CDH16: variants seen among roughly 807,000 people sequenced by gnomAD.
CDH16 encodes the protein cadherin-16.
Under a neutral mutation model 87.6 loss-of-function variants are expected in CDH16, and 79 were observed. The observed-to-expected ratio is 0.90, with a 90% CI of 0.75 to 1.09. CDH16 has a LOEUF of 1.09. CDH16 is among the 50% of genes least tolerant of loss of function. The pLI is 0.00. For synonymous variants in CDH16, 457 were observed against 439.5 expected, an observed-to-expected ratio of 1.04 and a Z score of -0.50; for missense variants, 1,124 against 1,071.7, an observed-to-expected ratio of 1.05 and a Z score of -0.68.
At chr16:66,917,374 T>C (rs1962724276) in intron 3 of CDH16, among the ~76,000 whole-genome samples, 1 of 152,154 alleles carries the variant, frequency 6.6e-6, no homozygotes, top group South Asian at 2.1e-4. Context: ...ATGAATTTCC[T>C]ATCTAGATTT....
Position 66,916,408 on chromosome 16 carries a change from C to G in CDH16, c.151G>C (p.Ala51Pro). 1 of 1,608,448 alleles carries G rather than the reference C, an allele frequency of 6.2e-7. No homozygotes were observed. The highest frequency in any genetic ancestry group is 8.5e-7 in the Non-Finnish European group (1 of 1,176,224). Reference sequence around the variant, plus strand: ...CCTGACAGCACGATCTGGCCTTCAGCCCCCTCACGGGGCAGCGGCAACTGA... The same window carrying G: ...CCTGACAGCACGATCTGGCCTTCAGGCCCCTCACGGGGCAGCGGCAACTGA... ...LTKLPLPREGAEGQIVLSGDS... is the reference protein window; with the variant it reads ...LTKLPLPREGPEGQIVLSGDS... The change falls in exon 4 of 18, where the codon GCT (alanine) becomes CCT (proline). Residue 51 changes from alanine to proline, a missense_variant. Transcript: ENST00000299752. This position sits in a 1 kb window ranked among gnomAD's most constrained non-coding sequence, Gnocchi z 4.1.
At chr16:66,911,745 C>T (rs1962426496) in intron 13 of CDH16, among the ~76,000 whole-genome samples, 154 bp downstream of exon 13, 1 of 152,220 alleles carries the variant, frequency 6.6e-6, no homozygotes, top group South Asian at 2.1e-4. Context: ...TCCATCCAGC[C>T]CCGATCCCTG....
In CDH16 at chr16:66,915,296, G is replaced by A. The variant is rs1962629129; in HGVS notation, c.507C>T (p.Ser169=). 1 of 1,613,898 alleles carries A rather than the reference G, an allele frequency of 6.2e-7. No individual in the cohort carries two copies. Among genetic ancestry groups the A allele is most frequent in the African/African-American group, 1.3e-5 (1 of 74,914 alleles). ...ANSDLRFHIL[S]QAPAQPSPDM... ...CTGGGGAAGGCTGGGCTGGAGCCTG[G>A]CTCAGGATGTGGAATCGAAGATCCG... is the stretch of plus-strand genomic sequence containing the variant. The change falls in exon 6 of 18, where the codon AGC becomes AGT. Residue 169 remains serine, a synonymous_variant. Coordinates refer to ENST00000299752, the MANE Select transcript of CDH16 (RefSeq NM_004062.4).
chr16:66,913,031 G>C (rs745780056), intron 9 of CDH16, 100 bp downstream of exon 9: 1 of 1,294,206 alleles, frequency 7.7e-7, no homozygotes, highest in African/African-American at 1.5e-5. Flanking sequence ...TGTTATGGAG[G>C]GACATTGACA....
Position 66,909,850 on chromosome 16 carries a change from C to A in CDH16, c.2275+136G>T. ...TTCCTGTGTGCCCAGGTATGTGTGC[C>A]CAGCCATAGGTGTGCAAGTGTGCAC... On this transcript the variant is annotated intron_variant, in intron 16 of 17. Coordinates refer to ENST00000299752, the MANE Select transcript of CDH16 (RefSeq NM_004062.4). The surrounding 1 kb of genome is among the most constrained non-coding windows in gnomAD (Gnocchi z 4.1). 1.5e-6 allele frequency: 1 copy of A among 674,320 alleles called. No individual in the cohort carries two copies. Among genetic ancestry groups the A allele is most frequent in the East Asian group, 2.6e-5 (1 of 37,820 alleles). The allele number at this position is 674,320 out of a possible 1,614,324, so 41.8% of individuals were successfully genotyped here.
Position 66,913,245 on chromosome 16 carries a change from C to A in CDH16, c.940G>T (p.Glu314Ter), listed in dbSNP as rs558954232. Reference protein sequence around the residue: ...LQVRAQNSHGEDYAAPLELHV... With the variant: ...LQVRAQNSHG Reference sequence around the variant, plus strand: ...AGCTCCAGAGGGGCCGCATAGTCCTCGCCATGGGAATTCTGAGCCCGCACC... The same window carrying A: ...AGCTCCAGAGGGGCCGCATAGTCCTAGCCATGGGAATTCTGAGCCCGCACC... The change falls in exon 9 of 18, where the codon GAG becomes TAG. Residue 314 changes from glutamate (E) to a stop codon, truncating the protein, a stop_gained. Transcript: ENST00000299752. LOFTEE classifies it high-confidence loss of function. 6 of 1,566,726 alleles carry A rather than the reference C, an allele frequency of 3.8e-6. No homozygotes were observed. The highest frequency in any genetic ancestry group is 5.2e-6 in the Non-Finnish European group (6 of 1,155,690).
In CDH16 at chr16:66,916,038, T is replaced by G. The variant is rs374347885; in HGVS notation, c.424+27A>C. 3 of 1,613,838 alleles carry G rather than the reference T, an allele frequency of 1.9e-6. No individual in the cohort carries two copies. The highest frequency in any genetic ancestry group is 2.5e-6 in the Non-Finnish European group (3 of 1,180,002). On this transcript the variant is annotated intron_variant, in intron 5 of 17. Transcript: ENST00000299752. This position sits in a 1 kb window ranked among gnomAD's most constrained non-coding sequence, Gnocchi z 4.1. ...TCCATCAAGGCCCACCTGACCTTACTGTAAATTGGCTGCCCTGGTCACTCA... is the reference window on the plus strand; with the variant it reads ...TCCATCAAGGCCCACCTGACCTTACGGTAAATTGGCTGCCCTGGTCACTCA...
In CDH16 at chr16:66,912,771, T is replaced by G. The variant is rs1488506263; in HGVS notation, c.1175A>C (p.Gln392Pro). 2 of 1,613,614 alleles carry G rather than the reference T, an allele frequency of 1.2e-6. No individual in the cohort carries two copies. The highest frequency in any genetic ancestry group is 1.7e-5 in the Admixed American group (1 of 59,994). ...PEDGVEGRAF[Q>P]VDPTSGSVTL... ...CACACTGCCTGAAGTGGGGTCCACC[T>G]GGAAGGCTCTCCCCTCTACCCCATC... Residue 392 changes from glutamine to proline, a missense_variant, in exon 10 of 18, where the codon CAG (glutamine) becomes CCG (proline). Transcript: ENST00000299752.
rs1441784470 is a variant in CDH16, at chr16:66,913,600, C to G, written c.794G>C (p.Gly265Ala). 6.2e-7 allele frequency: 1 copy of G among 1,613,908 alleles called. No homozygotes were observed. Among genetic ancestry groups the G allele is most frequent in the Non-Finnish European group, 8.5e-7 (1 of 1,179,970 alleles). Residue 265 changes from glycine to alanine, a missense_variant, in exon 8 of 18, where the codon GGG (glycine) becomes GCG (alanine). Physicochemically the swap from Gly to Ala is moderately conservative, Grantham distance 60 (BLOSUM62 0). Coordinates refer to ENST00000299752, the MANE Select transcript of CDH16 (RefSeq NM_004062.4). The stretch of plus-strand genomic sequence containing the variant: ...CTCCAGGTGATAGTGCACATCACCC[C>G]CACTCCAGTGTACCTGGGGGGGACA... Reference protein sequence around the residue: ...PHHMAQVHWSGGDVHYHLESH... With the variant: ...PHHMAQVHWSAGDVHYHLESH...
At position 66,908,440 on chromosome 16, in the gene CDH16, CT is replaced by C. The variant is rs1962255366; in HGVS notation, c.2441del (p.Lys814ArgfsTer12). 5.0e-6 allele frequency: 8 copies of C among 1,614,120 alleles called. No individual in the cohort carries two copies. Among genetic ancestry groups the C allele is most frequent in the Non-Finnish European group, 6.8e-6 (8 of 1,180,000 alleles). ...IFTHWTMSRK[K>X]DPDQPADSVP... ...CGCTGTCTGCTGGTTGATCCGGGTCCTTCTTCCTTGACATGGTCCAGTGGGT... is the reference window on the plus strand; with the variant it reads ...CGCTGTCTGCTGGTTGATCCGGGTCCTCTTCCTTGACATGGTCCAGTGGGT... On this transcript the variant is annotated frameshift_variant, in exon 18 of 18. Coordinates refer to ENST00000299752, the MANE Select transcript of CDH16 (RefSeq NM_004062.4). LOFTEE classifies it high-confidence loss of function.
rs1406748031 is a variant in CDH16, at chr16:66,912,268, C to T, written c.1522G>A (p.Gly508Arg). 1 of 1,612,180 alleles carries T rather than the reference C, an allele frequency of 6.2e-7. No homozygotes were observed. Among genetic ancestry groups the T allele is most frequent in the Non-Finnish European group, 8.5e-7 (1 of 1,178,906 alleles). Residue 508 changes from glycine to arginine, a missense_variant, in exon 12 of 18, where the codon GGG becomes AGG. By Grantham distance (125) the Gly-to-Arg change is moderately radical. Transcript: ENST00000299752. Reference sequence around the variant, plus strand: ...TTGCAGAGTCTGAGTCTAACATGCCCAGAGTCTGGCTCCCAATCCAGGCCA... The same window carrying T: ...TTGCAGAGTCTGAGTCTAACATGCCTAGAGTCTGGCTCCCAATCCAGGCCA... ...TFGLDWEPDSGHVRLRLCKNL... is the reference protein window; with the variant it reads ...TFGLDWEPDSRHVRLRLCKNL...
At position 66,915,172 on chromosome 16, in the gene CDH16, C is replaced by G. The variant is rs370742360; in HGVS notation, c.583+48G>C. The G allele has an allele frequency of 3.3e-6, 5 of 1,530,850 alleles. No individual in the cohort carries two copies. The African/African-American group carries it at 4.1e-5, about 13-fold the overall frequency. The allele number at this position is 1,530,850 out of a possible 1,614,324, so 94.8% of individuals were successfully genotyped here. On this transcript the variant is annotated intron_variant, in intron 6 of 17. Coordinates refer to ENST00000299752, the MANE Select transcript of CDH16 (RefSeq NM_004062.4). ...TCTTATGGTTCAGATACCACCTTCT[C>G]CAGCTTTCTCTGACCCTCCCTCCCC...
rs756234511 is a variant in CDH16, at chr16:66,913,298, G to A, written c.904-17C>T. ...GAGCAGGTACTGCGGTGGGCAGTAG[G>A]GGGCTTCAGGTCAGGACCAAGGGCA... On this transcript the variant is annotated splice_polypyrimidine_tract_variant and intron_variant, in intron 8 of 17. Transcript: ENST00000299752. 1.3e-6 allele frequency: 2 copies of A among 1,545,016 alleles called. No homozygotes were observed. The highest frequency in any genetic ancestry group is 1.7e-6 in the Non-Finnish European group (2 of 1,145,328).
Position 66,916,158 on chromosome 16 carries a change from G to C in CDH16, c.331C>G (p.Pro111Ala), listed in dbSNP as rs891399219. The C allele has an allele frequency of 4.3e-6, 7 of 1,614,144 alleles. No homozygotes were observed. In the Admixed American group the frequency reaches 8.3e-5, roughly 19 times the overall value. The change falls in exon 5 of 18, where the codon CCT becomes GCT. Residue 111 changes from proline (P) to alanine (A), a missense_variant. Pro to Ala is a conservative substitution (Grantham distance 27). Transcript: ENST00000299752. The surrounding 1 kb of genome is among the most constrained non-coding windows in gnomAD (Gnocchi z 4.1). ...QDGHVLWGPQ[P>A]VLVHVKDEND... ...TCATCCTTCACGTGCACAAGCACAG[G>C]CTGTGGACCCCACAAGACATGTCCA...
chr16:66,912,940 C>A (rs750003949), intron 9 of CDH16, 49 bp from the exon 10 acceptor site: 1 of 1,527,214 alleles, frequency 6.5e-7, no homozygotes, highest in East Asian at 2.3e-5. Context: ...AGCCTGGAGA[C>A]CTTACCCCAC....
chr16:66,910,719 C>T, intron 14 of CDH16: 1 of 493,634 alleles, frequency 2.0e-6, no homozygotes, highest in Non-Finnish European at 3.3e-6. Flanking sequence ...TGTATCACAG[C>T]CCAGCTCAGA....
In CDH16 at chr16:66,918,023, G is replaced by A; in HGVS notation, c.43C>T (p.Gln15Ter). The A allele has an allele frequency of 6.3e-7, 1 of 1,580,142 alleles. No homozygotes were observed. Among genetic ancestry groups the A allele is most frequent in the Non-Finnish European group, 8.6e-7 (1 of 1,162,746 alleles). ...WLWLLCVSVP[Q>*]ALPKAQPAEL... ...AGAGGGGGCAGGGCCTAGCTCACCT[G>A]GGGGACGGAGACACAAAGCAGCCAC... The change falls in exon 2 of 18, where the codon CAG (glutamine) becomes TAG (stop). Residue 15 changes from glutamine (Q) to a stop codon, truncating the protein, a stop_gained and splice_region_variant. Transcript: ENST00000299752. LOFTEE classifies it high-confidence loss of function.
chr16:66,913,361 G>A (rs928412896), intron 8 of CDH16, 80 bp from the exon 9 acceptor site: 2 of 1,554,756 alleles, frequency 1.3e-6, no homozygotes, highest in African/African-American at 1.4e-5. Context: ...CCTTCCGGTG[G>A]GCCAGCTCCA....
rs760501613 is a variant in CDH16, at chr16:66,917,632, T to C, written c.129+10A>G. On this transcript the variant is annotated intron_variant, in intron 3 of 17. Coordinates refer to ENST00000299752, the MANE Select transcript of CDH16 (RefSeq NM_004062.4). Reference sequence around the variant, plus strand: ...ATCCCCCCGGCCCCAACCCCAGCTCTCCGGCTCACCTTGGTCAGGTATAAA... The same window carrying C: ...ATCCCCCCGGCCCCAACCCCAGCTCCCCGGCTCACCTTGGTCAGGTATAAA... 1 of 1,609,022 alleles carries C rather than the reference T, an allele frequency of 6.2e-7. No individual in the cohort carries two copies. The highest frequency in any genetic ancestry group is 1.7e-5 in the Admixed American group (1 of 59,740).
Sources: gnomAD v4.1 joint callset for allele counts (sites outside exome capture counted in the v4.1 genomes callset) on GRCh38, gnomAD v4.1.1 for gene constraint, Gnocchi (gnomAD v3.1) non-coding constraint, MANE v1.5 for transcripts, NCBI Gene and HGNC (gene_info 2026-07-23, HGNC 2026-07-21) for gene names.